ATP7B: variants seen among roughly 807,000 people sequenced by gnomAD.
ATP7B encodes the protein ATPase copper transporting beta.
A neutral mutation model predicts 118.9 loss-of-function variants in ATP7B; 113 were observed. The observed-to-expected ratio is 0.95, with a 90% CI of 0.82 to 1.11. The LOEUF is 1.11. ATP7B is among the 50% of genes most tolerant of loss of function. The probability of loss-of-function intolerance (pLI) is 0.00; values close to 1 mark genes in which losing one functional copy is unlikely to be tolerated. For synonymous variants in ATP7B, 777 were observed against 727.4 expected (o/e 1.07, Z -1.10); for missense variants, 1,867 against 1,871.4 (o/e 1.00, Z 0.04).
intron 1 of ATP7B, among the ~76,000 whole-genome samples, chr13:51,980,155 G>C (rs888515777): frequency 2.0e-5 from 3 of 152,152 alleles, no homozygotes; most frequent in Non-Finnish European, 4.4e-5. Flanking sequence ...GCCCATCAAA[G>C]AGTCACAGAA....
chr13:51,939,359 C>T (rs540973528), intron 16 of ATP7B, among the ~76,000 whole-genome samples, 166 bp from the exon 17 acceptor site: 6 of 152,276 alleles, frequency 3.9e-5, no homozygotes, highest in South Asian at 2.1e-4. Context: ...CATGCATTTA[C>T]GGATGTACAC....
In ATP7B at chr13:51,939,201, G is replaced by C; in HGVS notation, c.3557-8C>G. ...TCATCCCACAGAGCACACCTGGAGC[G>C]AACCAGCCAGCATCAGCAGCTACAC... On this transcript the variant is annotated splice_region_variant and splice_polypyrimidine_tract_variant and intron_variant, in intron 16 of 20. Coordinates refer to ENST00000242839, the MANE Select transcript of ATP7B (RefSeq NM_000053.4). The C allele has an allele frequency of 6.2e-7, 1 of 1,612,222 alleles. No individual in the cohort carries two copies. The highest frequency in any genetic ancestry group is 8.5e-7 in the Non-Finnish European group (1 of 1,180,014).
intron 1 of ATP7B, among the ~76,000 whole-genome samples, chr13:52,003,735 C>A (rs772831244): frequency 9.2e-5 from 14 of 152,194 alleles, no homozygotes; most frequent in Non-Finnish European, 1.5e-4. Flanking sequence ...GCGGGGCTTG[C>A]GGCCACAGGA....
intron 1 of ATP7B, among the ~76,000 whole-genome samples, chr13:52,007,582 C>T (rs1953834595): frequency 6.6e-6 from 1 of 152,198 alleles, no homozygotes; most frequent in Non-Finnish European, 1.5e-5. Flanking sequence ...CCAATGCTCT[C>T]TCTCCAGACA....
rs121907997 is a variant in ATP7B at position 51,958,369 on chromosome 13, G to A, written c.2297C>T (p.Thr766Met). ...AERSPVTFFD[T>M]PPMLFVFIAL... ...AATGAACACAAAGAGCATGGGGGGC[G>A]TGTCGAAGAATGTCACAGGGCTCCT... Residue 766 changes from threonine to methionine, a missense_variant, in exon 8 of 21, where the codon ACG becomes ATG. Physicochemically the swap from Thr to Met is moderately conservative, Grantham distance 81. Coordinates refer to ENST00000242839, the MANE Select transcript of ATP7B (RefSeq NM_000053.4). 2.5e-5 allele frequency: 41 copies of A among 1,614,070 alleles called. No homozygotes were observed. The highest frequency in any genetic ancestry group is 4.5e-5 in the East Asian group (2 of 44,904).
chr13:51,970,414 G>A (rs1421068284), intron 3 of ATP7B, 78 bp downstream of exon 3: 4 of 1,595,076 alleles, frequency 2.5e-6, no homozygotes, highest in Middle Eastern at 1.9e-4. Context: ...GATAAACACA[G>A]TTGCTGGGTA....
chr13:51,964,568 C>G (rs555272769), intron 5 of ATP7B, among the ~76,000 whole-genome samples: 8 of 152,196 alleles, frequency 5.3e-5, no homozygotes, highest in Admixed American at 1.3e-4. Flanking sequence ...CAATTAGGCA[C>G]TTTAACCCTA....
intron 1 of ATP7B, among the ~76,000 whole-genome samples, chr13:51,985,790 A>G (rs1282565319): frequency 6.6e-6 from 1 of 152,226 alleles, no homozygotes; most frequent in African/African-American, 2.4e-5. Context: ...ACTACATGGA[A>G]ACTGAACAAC....
rs1410400622 is a variant in ATP7B at position 51,960,335 on chromosome 13, TGCAGCAACA to T, written c.1947-22_1947-14del. On this transcript the variant is annotated splice_polypyrimidine_tract_variant and intron_variant, in intron 6 of 20. Coordinates refer to ENST00000242839, the MANE Select transcript of ATP7B (RefSeq NM_000053.4). Reference sequence around the variant, plus strand: ...AGACTTCTTCCACCTGGAAAGCAAATGCAGCAACACAGATATATCAGATGCTGCTTGTCA... The same window carrying T: ...AGACTTCTTCCACCTGGAAAGCAAATCAGATATATCAGATGCTGCTTGTCA... The T allele has an allele frequency of 1.2e-6, 2 of 1,611,926 alleles. No homozygotes were observed. Among genetic ancestry groups the T allele is most frequent in the Non-Finnish European group, 1.7e-6 (2 of 1,179,486 alleles).
At chr13:51,972,735 C>G (rs1343155118) in intron 2 of ATP7B, among the ~76,000 whole-genome samples, 1 of 152,226 alleles carries the variant, frequency 6.6e-6, no homozygotes, top group Non-Finnish European at 1.5e-5. Flanking sequence ...CATAGTGGCT[C>G]ACGCCTGCAA....
intron 1 of ATP7B, among the ~76,000 whole-genome samples, chr13:51,985,871 C>G (rs1269336277): frequency 6.6e-6 from 1 of 152,168 alleles, no homozygotes; most frequent in Admixed American, 6.5e-5. Context: ...CCAATGAGAA[C>G]AAAGACACAA....
chr13:51,934,813 A>G lies in ATP7B; in HGVS notation c.4341T>C (p.Asp1447=). ...GGAGCAGAGACCACTTGTCCCCATC[A>G]TCGTCTGCTGCAGCGCTGTGCCGAG... is the stretch of plus-strand genomic sequence containing the variant. ...KPSRHSAAAD[D]DGDKWSLLLN... The change falls in exon 21 of 21, where the codon GAT becomes GAC. Residue 1447 remains aspartate, a synonymous_variant. Coordinates refer to ENST00000242839, the MANE Select transcript of ATP7B (RefSeq NM_000053.4). 1 of 1,614,160 alleles carries G rather than the reference A, an allele frequency of 6.2e-7. No homozygotes were observed. Among genetic ancestry groups the G allele is most frequent in the Non-Finnish European group, 8.5e-7 (1 of 1,180,046 alleles).
At chr13:51,965,505 G>C (rs1951502657) in intron 4 of ATP7B, among the ~76,000 whole-genome samples, 1 of 152,182 alleles carries the variant, frequency 6.6e-6, no homozygotes, top group Admixed American at 6.5e-5. Flanking sequence ...TGCTCTGCTG[G>C]CTCCAAGGGT....
chr13:51,985,119 T>G (rs1243821885), intron 1 of ATP7B, among the ~76,000 whole-genome samples: 1 of 152,172 alleles, frequency 6.6e-6, no homozygotes, highest in African/African-American at 2.4e-5. Flanking sequence ...AGACACAGAC[T>G]GGCGAATTGG....
chr13:51,967,394 T>C (rs556928091), intron 4 of ATP7B, among the ~76,000 whole-genome samples: 106 of 152,374 alleles, frequency 7.0e-4, no homozygotes, highest in Non-Finnish European at 1.2e-3. Context: ...AAAAGAAATG[T>C]ACACCTTTTC....
chr13:51,956,557 G>A (rs1461969185), intron 9 of ATP7B, among the ~76,000 whole-genome samples: 5 of 152,170 alleles, frequency 3.3e-5, no homozygotes, highest in South Asian at 4.1e-4. Flanking sequence ...TCCCACCAAC[G>A]GGGCAGGAGC....
chr13:51,976,446 T>G (rs560649923), intron 1 of ATP7B, among the ~76,000 whole-genome samples: 1 of 152,358 alleles, frequency 6.6e-6, no homozygotes, highest in Non-Finnish European at 1.5e-5. Flanking sequence ...AAATATTCAC[T>G]GTAGCATTTC....
intron 1 of ATP7B, among the ~76,000 whole-genome samples, chr13:52,008,445 G>A (rs1953879054): frequency 2.6e-5 from 4 of 152,146 alleles, no homozygotes; most frequent in Admixed American, 2.6e-4. Context: ...TTGGAGCACG[G>A]GGCTGAACAT....
chr13:51,935,714 G>A lies in ATP7B; in HGVS notation c.4022-19C>T, dbSNP rs369736734. ...AAGACACCTGGGGAAGAAAGAACTC[G>A]CACTCACACCTAGGTCTGGGGAGAG... On this transcript the variant is annotated intron_variant, in intron 19 of 20. Coordinates refer to ENST00000242839, the MANE Select transcript of ATP7B (RefSeq NM_000053.4). 239 of 1,600,566 alleles carry A rather than the reference G, an allele frequency of 1.5e-4. No homozygotes were observed. The highest frequency in any genetic ancestry group is 1.9e-4 in the Non-Finnish European group (228 of 1,172,844).
Sources: allele counts gnomAD v4.1 joint callset (sites outside exome capture counted in the v4.1 genomes callset), GRCh38; gene constraint gnomAD v4.1.1; transcripts MANE v1.5; gene names NCBI Gene and HGNC (gene_info 2026-07-23, HGNC 2026-07-21).